Variants in MAOA observed in about 807,000 individuals in gnomAD.
MAOA encodes the protein amine oxidase [flavin-containing] A.
A neutral mutation model predicts 42.0 loss-of-function variants in MAOA; 6 were observed. The ratio of observed to expected loss-of-function variants is 0.14; its 90% CI spans 0.08 to 0.28. The LOEUF is 0.28. Ranked by LOEUF, MAOA falls within the 10% of genes least tolerant of loss-of-function variation. The pLI is 1.00. For missense variants in MAOA, 262 were observed against 422.3 expected, an observed-to-expected ratio of 0.62 and a Z score of 3.33; for synonymous variants, 140 against 154.0, an observed-to-expected ratio of 0.91 and a Z score of 0.67.
intron 10 of MAOA, among the ~76,000 whole-genome samples, chrX:43,738,918 A>G (rs1187893286): frequency 8.9e-6 from 1 of 112,202 alleles, no homozygotes; most frequent in Non-Finnish European, 1.9e-5. Context: ...AAATGTCTGA[A>G]TTATTGCTTG....
intron 2 of MAOA, 44 bp from the exon 3 acceptor site, chrX:43,693,247 A>T: frequency 8.4e-7 from 1 of 1,185,842 alleles, no homozygotes; most frequent in Non-Finnish European, 1.1e-6. Context: ...CCTTTTTTCC[A>T]AGTTTTAACT....
chrX:43,739,836 T>C (rs747825770), intron 10 of MAOA, among the ~76,000 whole-genome samples: 6 of 112,658 alleles, frequency 5.3e-5, no homozygotes. Flanking sequence ...TGTGAACCTA[T>C]GCAAACAAAT....
chrX:43,721,006 G>T (rs1366492102), intron 5 of MAOA, among the ~76,000 whole-genome samples: 1 of 110,785 alleles, frequency 9.0e-6, no homozygotes, highest in Non-Finnish European at 1.9e-5. Flanking sequence ...TGTTTTGGGG[G>T]CAATGGTGCC....
chrX:43,702,962 G>A (rs1409627143), intron 3 of MAOA, among the ~76,000 whole-genome samples: 1 of 111,110 alleles, frequency 9.0e-6, no homozygotes, highest in African/African-American at 3.3e-5. Flanking sequence ...GTGGACCCTG[G>A]GACACAGACA....
intron 1 of MAOA, among the ~76,000 whole-genome samples, chrX:43,666,513 G>C (rs755774569): frequency 9.0e-6 from 1 of 111,331 alleles, no homozygotes; most frequent in Non-Finnish European, 1.9e-5. Flanking sequence ...CACCCAAGCC[G>C]TTGTGGTCTT....
chrX:43,728,604 A>G (rs1347032832), intron 6 of MAOA, among the ~76,000 whole-genome samples: 3 of 112,320 alleles, frequency 2.7e-5, no homozygotes, highest in Admixed American at 9.5e-5. Context: ...GAGAAGCTAA[A>G]TTCCTAAAAT....
At chrX:43,677,906 T>G (rs962399695) in intron 1 of MAOA, among the ~76,000 whole-genome samples, 1 of 111,540 alleles carries the variant, frequency 9.0e-6, no homozygotes. Context: ...ATTTTGCTAG[T>G]GTTCACTTAG....
At chrX:43,672,810 G>A (rs1393162129) in intron 1 of MAOA, among the ~76,000 whole-genome samples, 1 of 111,409 alleles carries the variant, frequency 9.0e-6, no homozygotes, top group Non-Finnish European at 1.9e-5. Context: ...GATCATGGTG[G>A]ATAAGCTTTT....
chrX:43,661,986 C>T (rs1246964598), intron 1 of MAOA, among the ~76,000 whole-genome samples: 2 of 111,583 alleles, frequency 1.8e-5, no homozygotes, highest in African/African-American at 6.5e-5. Context: ...AGAGAAATAA[C>T]TAATGTTCAG....
At chrX:43,734,132 C>CTTTTTTT (rs745875170) in intron 9 of MAOA, among the ~76,000 whole-genome samples, 1 of 62,412 alleles carries the variant, frequency 1.6e-5, no homozygotes, top group Non-Finnish European at 3.3e-5. Context: ...TTTGGGCTTT[C>CTTTTTTT]TTTTTTTTTT....
At chrX:43,668,688 T>C (rs757638293) in intron 1 of MAOA, among the ~76,000 whole-genome samples, 23 of 112,064 alleles carry the variant, frequency 2.1e-4, no homozygotes, top group Non-Finnish European at 3.8e-4. Context: ...CTTATTTCTC[T>C]GTCTCTCTAA....
At chrX:43,699,408 G>A in intron 3 of MAOA, among the ~76,000 whole-genome samples, 1 of 108,312 alleles carries the variant, frequency 9.2e-6, no homozygotes, top group African/African-American at 3.4e-5. Flanking sequence ...ATGCAGGTAG[G>A]GTGAGGGGTA....
At position 43,672,975 on chromosome X, in the gene MAOA, T is replaced by C. The variant is rs1394051066; in HGVS notation, c.74-10538T>C. 9.9e-5 allele frequency among the ~76,000 whole-genome samples: 11 copies of C among 111,628 alleles called. No individual in the cohort carries two copies. In the Middle Eastern group the frequency reaches 0.014, roughly 140 times the overall value. The stretch of plus-strand genomic sequence containing the variant: ...TCATAAAATGAGTTAGGGAGGATTC[T>C]CTCTTTTTCTATTGATTGGAATAGT... On this transcript the variant is annotated intron_variant, in intron 1 of 14. Coordinates refer to ENST00000338702, the MANE Select transcript of MAOA (RefSeq NM_000240.4).
intron 1 of MAOA, among the ~76,000 whole-genome samples, chrX:43,681,752 T>C (rs1413499775): frequency 2.7e-5 from 3 of 110,212 alleles, no homozygotes; most frequent in Admixed American, 2.0e-4. Flanking sequence ...TCTGTAATAA[T>C]GAGAAGTCTA....
At chrX:43,683,037 A>G (rs189341474) in intron 1 of MAOA, among the ~76,000 whole-genome samples, 1 of 112,095 alleles carries the variant, frequency 8.9e-6, no homozygotes, top group East Asian at 2.8e-4. Context: ...GCATGTAATC[A>G]AAATATAAAT....
At chrX:43,714,666 G>A (rs1446822446) in intron 5 of MAOA, among the ~76,000 whole-genome samples, 2 of 109,002 alleles carry the variant, frequency 1.8e-5, no homozygotes, top group Non-Finnish European at 3.8e-5. Context: ...TTCCAGGAAT[G>A]CCCCCACAGT....
chrX:43,677,764 T>C lies in MAOA; in HGVS notation c.74-5749T>C, dbSNP rs187776386. 1.6e-3 allele frequency among the ~76,000 whole-genome samples: 181 copies of C among 112,051 alleles called. 2 individuals carry two copies. Among genetic ancestry groups the C allele is most frequent in the African/African-American group, 5.8e-3 (179 of 30,853 alleles). On this transcript the variant is annotated intron_variant, in intron 1 of 14. Coordinates refer to ENST00000338702, the MANE Select transcript of MAOA (RefSeq NM_000240.4). ...AAGGCCTTAACAAACTCTTTGTGAA[T>C]GTAGTTTCTCTGACCTCTCTACTCT...
intron 3 of MAOA, among the ~76,000 whole-genome samples, chrX:43,703,795 TAA>T (rs1195335957): frequency 9.0e-6 from 1 of 111,251 alleles, no homozygotes; most frequent in East Asian, 2.8e-4. Context: ...AGCCTGGCAA[TAA>T]AAAAAGACTA....
intron 1 of MAOA, among the ~76,000 whole-genome samples, chrX:43,657,225 T>TTATATATATATATGAACTGTGTTTA (rs1555940930): frequency 0.014 from 1,025 of 71,404 alleles, 96 homozygotes; most frequent in African/African-American, 0.07. Context: ...TGAACTGTGT[T>TTATATATATATATGAACTGTGTTTA]TATATATATA....
Sources: gnomAD v4.1 joint callset for allele counts (sites outside exome capture counted in the v4.1 genomes callset) on GRCh38, gnomAD v4.1.1 for gene constraint, MANE v1.5 for transcripts, NCBI Gene and HGNC (gene_info 2026-07-23, HGNC 2026-07-21) for gene names.